The following WDR70 variants were observed in gnomAD, a reference collection of about 807,000 sequenced individuals.
WDR70 encodes WD repeat-containing protein 70.
WDR70 carries 53 observed loss-of-function variants against 88.6 expected under a neutral mutation model. The ratio of observed to expected loss-of-function variants is 0.60; its 90% CI spans 0.48 to 0.75. WDR70 has a LOEUF of 0.75. Ranked by LOEUF, WDR70 falls within the 30% of genes least tolerant of loss-of-function variation. The pLI is 0.00. For missense variants in WDR70, 610 were observed against 823.2 expected, an observed-to-expected ratio of 0.74 and a Z score of 3.17; for synonymous variants, 280 against 270.0, an observed-to-expected ratio of 1.04 and a Z score of -0.36.
chr5:37,544,354 G>A (rs1248154022), intron 9 of WDR70, among the ~76,000 whole-genome samples: 4 of 152,048 alleles, frequency 2.6e-5, no homozygotes, highest in Non-Finnish European at 5.9e-5. Context: ...CAGACATATT[G>A]ATACAAATTA....
At chr5:37,463,368 C>T (rs1176053443) in intron 7 of WDR70, among the ~76,000 whole-genome samples, 1 of 152,260 alleles carries the variant, frequency 6.6e-6, no homozygotes, top group South Asian at 2.1e-4. Flanking sequence ...TCCCTGAACT[C>T]CTGACTCACA....
At chr5:37,735,521 T>G (rs1326312629) in intron 17 of WDR70, among the ~76,000 whole-genome samples, 1 of 152,164 alleles carries the variant, frequency 6.6e-6, no homozygotes, top group Non-Finnish European at 1.5e-5. Context: ...TACACACCTT[T>G]CTGCCGCTGC....
At chr5:37,638,257 C>T (rs953411570) in intron 10 of WDR70, among the ~76,000 whole-genome samples, 1 of 152,162 alleles carries the variant, frequency 6.6e-6, no homozygotes, top group African/African-American at 2.4e-5. Flanking sequence ...TATTTTTCAG[C>T]ACTTCAAGTT....
chr5:37,414,589 T>C (rs1749634670), intron 5 of WDR70, among the ~76,000 whole-genome samples: 1 of 150,814 alleles, frequency 6.6e-6, no homozygotes, highest in African/African-American at 2.5e-5. Context: ...GTAAGTTCTA[T>C]GAGGACAGTC....
intron 9 of WDR70, among the ~76,000 whole-genome samples, chr5:37,534,532 C>T (rs1036901868): frequency 7.5e-6 from 1 of 133,672 alleles, no homozygotes; most frequent in Admixed American, 8.2e-5. Flanking sequence ...AAGTCTTGCT[C>T]TGTCGCCCAG....
chr5:37,597,837 T>C (rs371222452), intron 9 of WDR70, among the ~76,000 whole-genome samples: 9 of 152,360 alleles, frequency 5.9e-5, no homozygotes, highest in Non-Finnish European at 1.2e-4. Context: ...ATATTTGTTA[T>C]AGCAACACAA....
intron 5 of WDR70, among the ~76,000 whole-genome samples, chr5:37,410,205 T>G (rs186081210): frequency 1.3e-5 from 2 of 150,996 alleles, no homozygotes; most frequent in Non-Finnish European, 1.5e-5. Context: ...TTTTTTTTTT[T>G]TTTTTTTTTC....
At chr5:37,415,880 G>A (rs71370410) in intron 5 of WDR70, among the ~76,000 whole-genome samples, 1 of 149,440 alleles carries the variant, frequency 6.7e-6, no homozygotes, top group African/African-American at 2.5e-5. Flanking sequence ...ACGGGGCGGC[G>A]GGGCAGAGAC....
intron 9 of WDR70, among the ~76,000 whole-genome samples, chr5:37,543,618 A>G (rs1395137034): frequency 4.6e-5 from 7 of 152,142 alleles, no homozygotes; most frequent in African/African-American, 9.7e-5. Context: ...GTAGCTTTGA[A>G]TCTTTTCAAA....
intron 9 of WDR70, among the ~76,000 whole-genome samples, chr5:37,531,591 T>C (rs1229688842): frequency 2.5e-4 from 4 of 15,852 alleles, no homozygotes; most frequent in South Asian, 4.0e-3. Context: ...GTTTTTCTTT[T>C]TTTTTTTTTT....
At chr5:37,559,841 G>GTA (rs1479471993) in intron 9 of WDR70, among the ~76,000 whole-genome samples, 1 of 139,188 alleles carries the variant, frequency 7.2e-6, no homozygotes, top group Non-Finnish European at 1.5e-5. Context: ...GCAAAATTCA[G>GTA]TATAAAAAAA....
chr5:37,398,728 TAAG>T (rs1273565443), intron 5 of WDR70, among the ~76,000 whole-genome samples: 34 of 152,302 alleles, frequency 2.2e-4, no homozygotes, highest in African/African-American at 7.7e-4. Flanking sequence ...AAGAATAAAA[TAAG>T]AATAAATTTG....
chr5:37,697,875 GC>G, intron 11 of WDR70, 121 bp downstream of exon 11: 2 of 669,768 alleles, frequency 3.0e-6, no homozygotes, highest in South Asian at 2.8e-5. Flanking sequence ...ATGCACCTTT[GC>G]CAGTCTGATT....
intron 13 of WDR70, among the ~76,000 whole-genome samples, chr5:37,717,992 A>G (rs1232234920): frequency 5.9e-5 from 9 of 152,206 alleles, no homozygotes; most frequent in African/African-American, 2.2e-4. Context: ...TGCCTAAATC[A>G]GATTGCTCAC....
At chr5:37,443,126 G>T in intron 6 of WDR70, 113 bp from the exon 7 acceptor site, 2 of 1,162,780 alleles carry the variant, frequency 1.7e-6, no homozygotes, top group Non-Finnish European at 2.4e-6. Flanking sequence ...TTGGTGGTTT[G>T]TACTTCCAAG....
At chr5:37,465,479 T>TC (rs1739123046) in intron 7 of WDR70, among the ~76,000 whole-genome samples, 1 of 152,192 alleles carries the variant, frequency 6.6e-6, no homozygotes, top group Non-Finnish European at 1.5e-5. Flanking sequence ...TGGGTCAGTA[T>TC]AAATTTGGAG....
chr5:37,707,948 AAT>A (rs70978841), intron 13 of WDR70, among the ~76,000 whole-genome samples: 123 of 33,754 alleles, frequency 3.6e-3, no homozygotes, highest in African/African-American at 4.6e-3. Context: ...AAAAAAAAAA[AAT>A]ATATATATAT....
At chr5:37,550,715 G>C (rs1016526461) in intron 9 of WDR70, among the ~76,000 whole-genome samples, 13 of 152,174 alleles carry the variant, frequency 8.5e-5, no homozygotes, top group African/African-American at 3.1e-4. Flanking sequence ...TTTGATTGGA[G>C]AGTGTAGTCC....
chr5:37,748,680 A>G (rs1748707547), intron 17 of WDR70, among the ~76,000 whole-genome samples: 1 of 152,220 alleles, frequency 6.6e-6, no homozygotes. Flanking sequence ...TGAACAGGCA[A>G]CCTACAGAAT....
Sources: allele counts gnomAD v4.1 joint callset (sites outside exome capture counted in the v4.1 genomes callset), GRCh38; gene constraint gnomAD v4.1.1; transcripts MANE v1.5; gene names NCBI Gene and HGNC (gene_info 2026-07-23, HGNC 2026-07-21).